The following PTDSS1 variants were observed in gnomAD, a reference collection of about 807,000 sequenced individuals.
PTDSS1 encodes the protein PSS-1.
A neutral mutation model predicts 70.5 loss-of-function variants in PTDSS1; 45 were observed. The observed-to-expected ratio is 0.64, with a 90% CI of 0.50 to 0.82. The LOEUF is 0.82. PTDSS1 is among the 40% of genes least tolerant of loss of function. The pLI is 0.00. For missense variants in PTDSS1, 417 were observed against 586.1 expected (o/e 0.71, Z 2.98); for synonymous variants, 188 against 203.8 (o/e 0.92, Z 0.66).
chr8:96,262,282 T>TGGGGGGGG lies in PTDSS1; in HGVS notation c.179+65_179+66insGGGGGGGG. On this transcript the variant is annotated intron_variant, in intron 1 of 12. Transcript: ENST00000517309. The surrounding 1 kb of genome is among the most constrained non-coding windows in gnomAD (Gnocchi z 4.4). ...GCTAGGGAAGAGGCGGGAGGGAGGG[T>TGGGGGGGG]GGCGGGGAGGGGGGCCCGGCATGGC... is the stretch of plus-strand genomic sequence containing the variant. 4 of 250,414 alleles carry TGGGGGGGG rather than the reference T, an allele frequency of 1.6e-5. No individual in the cohort carries two copies. Among genetic ancestry groups the TGGGGGGGG allele is most frequent in the East Asian group, 2.1e-4 (2 of 9,674 alleles). The allele number at this position is 250,414 out of a possible 1,614,324, so 15.5% of individuals were successfully genotyped here.
intron 6 of PTDSS1, among the ~76,000 whole-genome samples, chr8:96,303,006 A>G (rs1443401795): frequency 6.6e-6 from 1 of 152,252 alleles, no homozygotes; most frequent in Non-Finnish European, 1.5e-5. Context: ...CTAATAAACA[A>G]CAACAAAAAA....
intron 7 of PTDSS1, 96 bp from the exon 8 acceptor site, chr8:96,306,348 A>G (rs763982121): frequency 2.7e-5 from 25 of 914,472 alleles, no homozygotes; most frequent in Non-Finnish European, 4.2e-5. Flanking sequence ...CTTTGAACAT[A>G]CCAATTATTT....
chr8:96,305,654 C>T (rs1563575803), intron 7 of PTDSS1, among the ~76,000 whole-genome samples: 1 of 152,176 alleles, frequency 6.6e-6, no homozygotes, highest in Non-Finnish European at 1.5e-5. Flanking sequence ...AGTCCATCGT[C>T]ATCTCTCAGA....
chr8:96,302,930 T>C (rs2130104888), intron 6 of PTDSS1, among the ~76,000 whole-genome samples: 1 of 152,324 alleles, frequency 6.6e-6, no homozygotes, highest in South Asian at 2.1e-4. Flanking sequence ...TTCCTTGTTT[T>C]CTTATGTTTA....
At chr8:96,277,782 G>A (rs1237625908) in intron 2 of PTDSS1, among the ~76,000 whole-genome samples, 1 of 152,206 alleles carries the variant, frequency 6.6e-6, no homozygotes, top group Non-Finnish European at 1.5e-5. Flanking sequence ...CTACAGGAAG[G>A]GAGCCTTGTG....
chr8:96,313,242 T>C (rs1022427115), intron 9 of PTDSS1, among the ~76,000 whole-genome samples: 1 of 152,240 alleles, frequency 6.6e-6, no homozygotes, highest in African/African-American at 2.4e-5. Context: ...TGCCATAGAC[T>C]GAGCTTTTAA....
intron 2 of PTDSS1, among the ~76,000 whole-genome samples, chr8:96,276,681 T>G (rs1810646725): frequency 6.6e-6 from 1 of 152,214 alleles, no homozygotes; most frequent in African/African-American, 2.4e-5. Context: ...GTGCTTTATC[T>G]CTGGCTTTCT....
At chr8:96,324,133 A>G (rs972985951) in intron 10 of PTDSS1, among the ~76,000 whole-genome samples, 3 of 152,132 alleles carry the variant, frequency 2.0e-5, no homozygotes, top group Non-Finnish European at 4.4e-5. Context: ...CTTGCTCCTC[A>G]TTTCCATTTG....
In PTDSS1 at chr8:96,276,978, G is replaced by GCACACA. The variant is rs1157385221; in HGVS notation, c.271+3589_271+3590insACACAC. 6.2e-3 allele frequency among the ~76,000 whole-genome samples: 805 copies of GCACACA among 129,734 alleles called. 7 individuals carry two copies. Among genetic ancestry groups the GCACACA allele is most frequent in the Middle Eastern group, 0.016 (4 of 248 alleles). The allele number at this position is 129,734 out of a possible 152,430, so 85.1% of individuals were successfully genotyped here. On this transcript the variant is annotated intron_variant, in intron 2 of 12. Transcript: ENST00000517309. ...CGGGCACATACACGCGCGCACGCGC[G>GCACACA]CGCACACACACACACACACACACAC...
chr8:96,313,072 G>A (rs1425708925), intron 9 of PTDSS1, among the ~76,000 whole-genome samples: 3 of 152,210 alleles, frequency 2.0e-5, no homozygotes, highest in Admixed American at 6.5e-5. Flanking sequence ...GAAAGGGGAA[G>A]GCAAAGGTCA....
rs183003035 is a variant in PTDSS1, at chr8:96,280,973, A to T, written c.272-3136A>T. 4.7e-3 allele frequency among the ~76,000 whole-genome samples: 723 copies of T among 152,214 alleles called. 2 individuals are homozygous for T. Among genetic ancestry groups the T allele is most frequent in the African/African-American group, 0.014 (579 of 41,512 alleles). The stretch of plus-strand genomic sequence containing the variant: ...GTGGGGAAGGCATTGAGATGACATG[A>T]ATGTTCACAGGATGCTACAGATGGG... On this transcript the variant is annotated intron_variant, in intron 2 of 12. Coordinates refer to ENST00000517309, the MANE Select transcript of PTDSS1 (RefSeq NM_014754.3).
chr8:96,280,370 GA>G (rs2130033878), intron 2 of PTDSS1, among the ~76,000 whole-genome samples: 1 of 151,944 alleles, frequency 6.6e-6, no homozygotes, highest in African/African-American at 2.4e-5. Flanking sequence ...AAAAATACAA[GA>G]ATTAGCTGGG....
rs1811175114 is a variant in PTDSS1, at chr8:96,309,498, A to G, written c.1008-59A>G. The G allele has an allele frequency of 2.7e-6, 4 of 1,480,440 alleles. No homozygotes were observed. In the South Asian group the frequency reaches 4.6e-5, roughly 17 times the overall value. The allele number at this position is 1,480,440 out of a possible 1,614,324, so 91.7% of individuals were successfully genotyped here. ...TTTACTTTGTCAAAGTGATTTAATT[A>G]TGTGCTGACTTGCTGGTCTTCCAGC... On this transcript the variant is annotated intron_variant, in intron 8 of 12. Transcript: ENST00000517309.
At chr8:96,296,174 T>C (rs1460745371) in intron 5 of PTDSS1, among the ~76,000 whole-genome samples, 1 of 132,208 alleles carries the variant, frequency 7.6e-6, no homozygotes, top group East Asian at 2.4e-4. Flanking sequence ...AGAGTCTTGC[T>C]CTCGCCCAGG....
rs1326438072 is a variant in PTDSS1, at chr8:96,333,589, G to A, written c.*23G>A. On this transcript the variant is annotated 3_prime_UTR_variant, in exon 13 of 13. Transcript: ENST00000517309. ...TGAAAAACCCTGGTTAATCAAAGAT[G>A]TTCCAGAGTGCCTAGAACTGAGAGG... is the stretch of plus-strand genomic sequence containing the variant. 1 of 1,578,226 alleles carries A rather than the reference G, an allele frequency of 6.3e-7. No individual in the cohort carries two copies. Among genetic ancestry groups the A allele is most frequent in the East Asian group, 2.2e-5 (1 of 44,710 alleles).
chr8:96,310,476 T>A (rs2130127312), intron 9 of PTDSS1, among the ~76,000 whole-genome samples: 1 of 151,964 alleles, frequency 6.6e-6, no homozygotes, highest in East Asian at 2.0e-4. Context: ...CTCTCTTTTT[T>A]TTTTTTTAAA....
rs1554585833 is a variant in PTDSS1 at position 96,317,909 on chromosome 8, G to GTGTGTGTGTGTA, written c.1074-2336_1074-2325dup. Among the ~76,000 whole-genome samples the GTGTGTGTGTGTA allele has an allele frequency of 4.5e-4, 53 of 117,004 alleles. 4 individuals carry two copies. The South Asian group carries it at 0.013, about 29-fold the overall frequency. 76.8% of individuals were successfully genotyped at this position (117,004 alleles called of 152,430 possible). On this transcript the variant is annotated intron_variant, in intron 9 of 12. Transcript: ENST00000517309. ...TGTGTGTGTGTGTGTGTGTGTGTGT[G>GTGTGTGTGTGTA]TGTGTGTGTGTACACGCATGCGTAT... is the stretch of plus-strand genomic sequence containing the variant.
At chr8:96,324,789 G>A (rs528559334) in intron 10 of PTDSS1, among the ~76,000 whole-genome samples, 141 of 152,358 alleles carry the variant, frequency 9.3e-4, no homozygotes, top group African/African-American at 3.2e-3. Flanking sequence ...CACTCAGACT[G>A]TAGGGACCCC....
chr8:96,281,664 T>C (rs1398049856), intron 2 of PTDSS1, among the ~76,000 whole-genome samples: 2 of 152,176 alleles, frequency 1.3e-5, no homozygotes, highest in Non-Finnish European at 2.9e-5. Context: ...CTCTCCTGGT[T>C]CTGAAACCAG....
Sources: gnomAD v4.1 joint callset for allele counts (sites outside exome capture counted in the v4.1 genomes callset) on GRCh38, gnomAD v4.1.1 for gene constraint, Gnocchi (gnomAD v3.1) non-coding constraint, MANE v1.5 for transcripts, NCBI Gene and HGNC (gene_info 2026-07-23, HGNC 2026-07-21) for gene names.